The following SERPINB1 variants were observed in gnomAD, a reference collection of about 807,000 sequenced individuals.
SERPINB1 encodes leukocyte elastase inhibitor.
SERPINB1 carries 23 observed loss-of-function variants against 25.9 expected under a neutral mutation model. That is an observed-to-expected ratio of 0.89 (90% CI 0.64 to 1.26). The LOEUF is 1.26. Ranked by LOEUF, SERPINB1 falls within the 50% of genes most tolerant of loss-of-function variation. SERPINB1 has a pLI of 0.00. For missense variants in SERPINB1, 399 were observed against 463.6 expected, an observed-to-expected ratio of 0.86 and a Z score of 1.28; for synonymous variants, 178 against 178.7, an observed-to-expected ratio of 1.00 and a Z score of 0.03.
At position 2,836,177 on chromosome 6, in the gene SERPINB1, A is replaced by G. The variant is rs773431709; in HGVS notation, c.498T>C (p.Tyr166=). 59 of 1,614,014 alleles carry G rather than the reference A, an allele frequency of 3.7e-5. No homozygotes were observed. Among genetic ancestry groups the G allele is most frequent in the Non-Finnish European group, 4.9e-5 (58 of 1,180,040 alleles). Residue 166 remains tyrosine, a synonymous_variant, in exon 5 of 7, where the codon TAT becomes TAC. Coordinates refer to ENST00000380739, the MANE Select transcript of SERPINB1 (RefSeq NM_030666.4). The part of the protein sequence containing the change: ...MTKLVLVNAI[Y]FKGNWKDKFM... ...ATTTATCCTTCCAGTTTCCCTTGAA[A>G]TAGATGGCATTTACTAGCACAAGTT...
intron 6 of SERPINB1, among the ~76,000 whole-genome samples, chr6:2,834,262 CCCATCCACCCAT>C (rs1445114979): frequency 6.6e-6 from 1 of 152,066 alleles, no homozygotes; most frequent in Non-Finnish European, 1.5e-5. Flanking sequence ...CACTCACCCA[CCCATCCACCCAT>C]CCATCCACCC....
chr6:2,835,182 T>G (rs1307064933), intron 6 of SERPINB1, among the ~76,000 whole-genome samples: 1 of 151,900 alleles, frequency 6.6e-6, no homozygotes, highest in Non-Finnish European at 1.5e-5. Flanking sequence ...CAGGCTAGAG[T>G]CCCTACATAT....
chr6:2,833,751 C>T lies in SERPINB1; in HGVS notation c.997G>A (p.Ala333Thr), dbSNP rs1478524015. ...FVEVNEEGTE[A>T]AAATAGIATF... ...GCGATGCCTGCTGTGGCAGCTGCCG[C>T]CTCTGTTCCCTCTTCATTCACTTCC... The change falls in exon 7 of 7, where the codon GCG becomes ACG. Residue 333 changes from alanine to threonine, a missense_variant. By Grantham distance (58) the Ala-to-Thr change is moderately conservative. Coordinates refer to ENST00000380739, the MANE Select transcript of SERPINB1 (RefSeq NM_030666.4). 6.2e-7 allele frequency: 1 copy of T among 1,614,008 alleles called. No homozygotes were observed. Among genetic ancestry groups the T allele is most frequent in the East Asian group, 2.2e-5 (1 of 44,894 alleles).
Position 2,835,875 on chromosome 6 carries a change from T to G in SERPINB1, c.716A>C (p.Glu239Ala), listed in dbSNP as rs1455866058. 1 of 1,613,898 alleles carries G rather than the reference T, an allele frequency of 6.2e-7. No homozygotes were observed. Among genetic ancestry groups the G allele is most frequent in the African/African-American group, 1.3e-5 (1 of 74,902 alleles). ...VILLPDDIED[E>A]STGLKKIEEQ... ...CCATACCTTCTTCAGGCCCGTGGAC[T>G]CGTCCTCAATGTCATCCGGCAGCAG... The change falls in exon 6 of 7, where the codon GAG becomes GCG. Residue 239 changes from glutamate (E) to alanine (A), a missense_variant. Coordinates refer to ENST00000380739, the MANE Select transcript of SERPINB1 (RefSeq NM_030666.4).
intron 3 of SERPINB1, among the ~76,000 whole-genome samples, chr6:2,838,347 A>G (rs1766553332): frequency 6.6e-6 from 1 of 152,218 alleles, no homozygotes; most frequent in Admixed American, 6.5e-5. Flanking sequence ...TTCACTAAAA[A>G]GACTGTAACA....
chr6:2,835,887 T>C lies in SERPINB1; in HGVS notation c.704A>G (p.Asp235Gly). The change falls in exon 6 of 7, where the codon GAC (aspartate) becomes GGC (glycine). Residue 235 changes from aspartate to glycine, a missense_variant. Physicochemically the swap from Asp to Gly is moderately conservative, Grantham distance 94. Transcript: ENST00000380739. ...CAGGCCCGTGGACTCGTCCTCAATG[T>C]CATCCGGCAGCAGGATGACCATGCT... Reference protein sequence around the residue: ...ELSMVILLPDDIEDESTGLKK... With the variant: ...ELSMVILLPDGIEDESTGLKK... The C allele has an allele frequency of 6.2e-7, 1 of 1,614,134 alleles. No individual in the cohort carries two copies. Among genetic ancestry groups the C allele is most frequent in the South Asian group, 1.1e-5 (1 of 91,076 alleles).
At chr6:2,835,621 G>GGAGGCAGGAGGATTGCTGT (rs1766466367) in intron 6 of SERPINB1, among the ~76,000 whole-genome samples, 1 of 152,144 alleles carries the variant, frequency 6.6e-6, no homozygotes, top group Non-Finnish European at 1.5e-5. Flanking sequence ...AGGATTGCTG[G>GGAGGCAGGAGGATTGCTGT]AAGCCAGGAG....
chr6:2,841,788 C>T lies in SERPINB1; in HGVS notation c.-9+24G>A, dbSNP rs1766666334. On this transcript the variant is annotated intron_variant, in intron 1 of 6. Coordinates refer to ENST00000380739, the MANE Select transcript of SERPINB1 (RefSeq NM_030666.4). The surrounding 1 kb of genome is among the most constrained non-coding windows in gnomAD (Gnocchi z 4.5). ...CCTCTCCCCGCGCCCGCCCCCGCGC[C>T]ACCGCTCCGAGGCCCGGCCTTACCC... 2 of 152,306 alleles carry T rather than the reference C, an allele frequency of 1.3e-5. No individual in the cohort carries two copies. The highest frequency in any genetic ancestry group is 4.1e-4 in the South Asian group (2 of 4,842). 9.4% of individuals were successfully genotyped at this position (152,306 alleles called of 1,614,324 possible).
Position 2,841,228 on chromosome 6 carries a change from T to G in SERPINB1, c.-9+584A>C, listed in dbSNP as rs971607185. Reference sequence around the variant, plus strand: ...TTTGGAAACCCACCACAGTCCAGGGTCTGGCCGTGCAGCGTCCCATCCGCC... The same window carrying G: ...TTTGGAAACCCACCACAGTCCAGGGGCTGGCCGTGCAGCGTCCCATCCGCC... On this transcript the variant is annotated intron_variant, in intron 1 of 6. Transcript: ENST00000380739. This position sits in a 1 kb window ranked among gnomAD's most constrained non-coding sequence, Gnocchi z 4.5. The G allele has an allele frequency of 6.6e-6, 1 of 152,202 alleles. No individual in the cohort carries two copies. The highest frequency in any genetic ancestry group is 6.5e-5 in the Admixed American group (1 of 15,274). The allele number at this position is 152,202 out of a possible 1,614,324, so 9.4% of individuals were successfully genotyped here. A position where few individuals can be genotyped will look rare whatever the true frequency, so the allele number is the denominator to read the frequency against.
chr6:2,833,512 G>T lies in SERPINB1; in HGVS notation c.*96C>A. The T allele has an allele frequency of 1.7e-6, 2 of 1,179,912 alleles. No individual in the cohort carries two copies. Among genetic ancestry groups the T allele is most frequent in the Non-Finnish European group, 2.3e-6 (2 of 861,774 alleles). 73.1% of individuals were successfully genotyped at this position (1,179,912 alleles called of 1,614,324 possible). ...ATGAAAGACTTGTTTCTGAACAGTG[G>T]TTTTATTGGTAAAGATATAAGACAT... On this transcript the variant is annotated 3_prime_UTR_variant, in exon 7 of 7. Transcript: ENST00000380739.
At chr6:2,838,079 A>G (rs1766548032) in intron 3 of SERPINB1, 80 bp from the exon 4 acceptor site, 1 of 975,584 alleles carries the variant, frequency 1.0e-6, no homozygotes, top group Non-Finnish European at 1.5e-6. Flanking sequence ...CCAAAAAGCA[A>G]CAGAAATTGT....
chr6:2,833,803 T>C lies in SERPINB1; in HGVS notation c.945A>G (p.Ile315Met), dbSNP rs1766408350. Reference sequence around the variant, plus strand: ...CAAATGACTTGTGGACAATTTTTGATATAAAAATATCTCTGGCTCCTGACA... The same window carrying C: ...CAAATGACTTGTGGACAATTTTTGACATAAAAATATCTCTGGCTCCTGACA... ...SGMSGARDIF[I>M]SKIVHKSFVE... The change falls in exon 7 of 7, where the codon ATA becomes ATG. Residue 315 changes from isoleucine (I) to methionine (M), a missense_variant. Transcript: ENST00000380739. The C allele has an allele frequency of 6.2e-7, 1 of 1,614,020 alleles. No individual in the cohort carries two copies. Among genetic ancestry groups the C allele is most frequent in the Non-Finnish European group, 8.5e-7 (1 of 1,180,020 alleles).
At chr6:2,836,738 C>T (rs1766504026) in intron 4 of SERPINB1, among the ~76,000 whole-genome samples, 1 of 152,086 alleles carries the variant, frequency 6.6e-6, no homozygotes, top group African/African-American at 2.4e-5. Flanking sequence ...ACCTGCAGTC[C>T]CAGTGCTTTG....
intron 6 of SERPINB1, 98 bp downstream of exon 6, chr6:2,835,757 TG>T: frequency 7.6e-7 from 1 of 1,315,328 alleles, no homozygotes; most frequent in Non-Finnish European, 1.0e-6. Flanking sequence ...GACAAACTAC[TG>T]GAAAATGCAC....
chr6:2,840,369 T>C, intron 2 of SERPINB1, 50 bp downstream of exon 2: 1 of 1,605,844 alleles, frequency 6.2e-7, no homozygotes, highest in Non-Finnish European at 8.5e-7. Flanking sequence ...AGACTGTCCA[T>C]TCGTAGGGAG....
rs553472608 is a variant in SERPINB1, at chr6:2,834,001, C to T, written c.747G>A (p.Gln249=). ...ACTCATGCAACTTTTCCAAAGTCAA[C>T]TGTTCCTCAATCTGCAATTAAAAAT... ...ESTGLKKIEE[Q]LTLEKLHEWT... is the part of the protein sequence containing the mutation. The change falls in exon 7 of 7, where the codon CAG becomes CAA. Residue 249 remains glutamine, a synonymous_variant. Transcript: ENST00000380739. 6.3e-7 allele frequency: 1 copy of T among 1,596,400 alleles called. No homozygotes were observed. The highest frequency in any genetic ancestry group is 1.3e-5 in the African/African-American group (1 of 74,458).
rs374425314 is a variant in SERPINB1, at chr6:2,836,278, A to C, written c.425-28T>G. On this transcript the variant is annotated intron_variant, in intron 4 of 6. Transcript: ENST00000380739. ...AAAAAAAAATCAAGTTAGCGTAAAA[A>C]AAATCCAAATCGGAATTCCAAATTT... 11 of 1,575,146 alleles carry C rather than the reference A, an allele frequency of 7.0e-6. No homozygotes were observed. In the African/African-American group the frequency reaches 1.5e-4, roughly 22 times the overall value.
Position 2,836,183 on chromosome 6 carries a change from G to A in SERPINB1, c.492C>T (p.Ala164=), listed in dbSNP as rs766414445. Reference sequence around the variant, plus strand: ...CCTTCCAGTTTCCCTTGAAATAGATGGCATTTACTAGCACAAGTTTGGTCA... The same window carrying A: ...CCTTCCAGTTTCCCTTGAAATAGATAGCATTTACTAGCACAAGTTTGGTCA... ...DNMTKLVLVN[A]IYFKGNWKDK... Residue 164 remains alanine, a synonymous_variant, in exon 5 of 7, where the codon GCC becomes GCT. Transcript: ENST00000380739. 4.3e-6 allele frequency: 7 copies of A among 1,613,846 alleles called. No homozygotes were observed. The South Asian group carries it at 7.7e-5, about 18-fold the overall frequency.
At chr6:2,838,124 TCTAA>T in intron 3 of SERPINB1, 125 bp from the exon 4 acceptor site, 1 of 657,202 alleles carries the variant, frequency 1.5e-6, no homozygotes, top group Non-Finnish European at 2.6e-6. Flanking sequence ...ACACAAAATT[TCTAA>T]CTCTTATAGT....
Sources: allele counts gnomAD v4.1 joint callset (sites outside exome capture counted in the v4.1 genomes callset), GRCh38; gene constraint gnomAD v4.1.1; non-coding constraint Gnocchi (gnomAD v3.1); transcripts MANE v1.5; gene names NCBI Gene and HGNC (gene_info 2026-07-23, HGNC 2026-07-21).